Variants in NRXN3 observed in about 807,000 individuals in gnomAD.
The protein encoded by NRXN3 is neurexin 3.
In NRXN3, 32 loss-of-function variants were observed where a neutral mutation model predicts 137.6. The observed-to-expected ratio is 0.23, with a 90% CI of 0.18 to 0.31. The LOEUF (loss-of-function observed/expected upper bound fraction) is 0.31, where lower values mean the gene tolerates loss of function less well. Among genes scored for constraint, NRXN3 ranks in the 10% least tolerant of loss-of-function variants. NRXN3 has a pLI of 1.00. For synonymous variants in NRXN3, 798 were observed against 784.5 expected, an observed-to-expected ratio of 1.02 and a Z score of -0.29; for missense variants, 1,574 against 2,062.5, an observed-to-expected ratio of 0.76 and a Z score of 4.59.
At chr14:79,774,031 A>T (rs976147531) in intron 19 of NRXN3, among the ~76,000 whole-genome samples, 21 of 152,160 alleles carry the variant, frequency 1.4e-4, no homozygotes, top group Admixed American at 1.1e-3. Flanking sequence ...GGTAGATACA[A>T]AAGAACCCTA....
intron 4 of NRXN3, among the ~76,000 whole-genome samples, chr14:78,400,865 A>G (rs997157644): frequency 2.0e-5 from 3 of 152,164 alleles, no homozygotes; most frequent in Non-Finnish European, 4.4e-5. Flanking sequence ...CCCAATTTTT[A>G]TGATGAAAAC....
rs148036954 is a variant in NRXN3 at position 78,250,072 on chromosome 14, C to T, written c.709+6270C>T. On this transcript the variant is annotated intron_variant, in intron 2 of 20. Coordinates refer to ENST00000335750, the MANE Select transcript of NRXN3 (RefSeq NM_001330195.2). ...AACCCTCGCAACCACTCTTGACATG[C>T]GATTATGATTCTCATTTTTTTGGAT... The T allele has an allele frequency of 1.6e-3, 848 of 516,126 alleles. 4 individuals carry two copies. The highest frequency in any genetic ancestry group is 8.3e-3 in the Middle Eastern group (26 of 3,144). The allele number at this position is 516,126 out of a possible 1,614,324, so 32.0% of individuals were successfully genotyped here. A position where few individuals can be genotyped will look rare whatever the true frequency, so the allele number is the denominator to read the frequency against.
intron 10 of NRXN3, among the ~76,000 whole-genome samples, chr14:78,817,946 G>T (rs1370357645): frequency 6.6e-6 from 1 of 152,114 alleles, no homozygotes; most frequent in Non-Finnish European, 1.5e-5. Flanking sequence ...TAATAGAGCT[G>T]CTGAATTCTA....
At chr14:78,873,192 G>T (rs1381742803) in intron 10 of NRXN3, among the ~76,000 whole-genome samples, 7 of 152,016 alleles carry the variant, frequency 4.6e-5, no homozygotes, top group Non-Finnish European at 8.8e-5. Flanking sequence ...ACTTTTTTCT[G>T]TCCTACTGTC....
At chr14:79,542,023 A>G (rs2097277733) in intron 16 of NRXN3, among the ~76,000 whole-genome samples, 1 of 152,218 alleles carries the variant, frequency 6.6e-6, no homozygotes, top group Non-Finnish European at 1.5e-5. Context: ...AAAGTTGTAA[A>G]TGATAAAGAA....
chr14:79,012,596 G>A (rs2099573039), intron 15 of NRXN3, among the ~76,000 whole-genome samples: 1 of 152,144 alleles, frequency 6.6e-6, no homozygotes, highest in Admixed American at 6.6e-5. Context: ...GAAGAAGGCT[G>A]TCACTTGCTC....
chr14:78,773,720 C>G (rs974756513), intron 8 of NRXN3, among the ~76,000 whole-genome samples: 6 of 152,126 alleles, frequency 3.9e-5, no homozygotes, highest in Admixed American at 3.3e-4. Flanking sequence ...GCCTGAGAAA[C>G]TAAAACACAA....
intron 16 of NRXN3, among the ~76,000 whole-genome samples, chr14:79,625,856 C>G (rs1201617276): frequency 6.6e-6 from 1 of 152,170 alleles, no homozygotes; most frequent in Non-Finnish European, 1.5e-5. Context: ...ACCTTTCCAG[C>G]TCTGTAGACT....
intron 10 of NRXN3, among the ~76,000 whole-genome samples, chr14:78,930,125 A>G (rs2099317517): frequency 6.6e-6 from 1 of 152,192 alleles, no homozygotes; most frequent in Non-Finnish European, 1.5e-5. Flanking sequence ...CTTTGAGCTT[A>G]ACGCTCTTCA....
intron 4 of NRXN3, among the ~76,000 whole-genome samples, chr14:78,547,334 C>G (rs201424550): frequency 6.6e-6 from 1 of 151,892 alleles, no homozygotes; most frequent in African/African-American, 2.4e-5. Flanking sequence ...GCCTCCCAAG[C>G]AGCTGGGATT....
chr14:79,547,741 G>A (rs576934339), intron 16 of NRXN3, among the ~76,000 whole-genome samples: 1 of 152,260 alleles, frequency 6.6e-6, no homozygotes, highest in East Asian at 1.9e-4. Context: ...TGATTCATTG[G>A]GAGGCTTATA....
chr14:78,284,446 G>A (rs376607315), intron 3 of NRXN3, among the ~76,000 whole-genome samples: 42 of 152,210 alleles, frequency 2.8e-4, no homozygotes, highest in African/African-American at 9.2e-4. Flanking sequence ...CCTTGGGTAC[G>A]TGTCCTGCTG....
chr14:79,783,041 C>A (rs761902022), intron 19 of NRXN3, among the ~76,000 whole-genome samples: 1 of 152,160 alleles, frequency 6.6e-6, no homozygotes, highest in Non-Finnish European at 1.5e-5. Flanking sequence ...CTCTGTTGAA[C>A]ACTGAAACAA....
rs1189324663 is a variant in NRXN3, at chr14:78,968,184, A to G, written c.2980A>G (p.Met994Val). The change falls in exon 14 of 21, where the codon ATG (methionine) becomes GTG (valine). Residue 994 changes from methionine to valine, a missense_variant. Physicochemically the swap from Met to Val is conservative, Grantham distance 21 (BLOSUM62 1). Coordinates refer to ENST00000335750, the MANE Select transcript of NRXN3 (RefSeq NM_001330195.2). ...ACTTTCCTTTCCAGGTGATCTCTATATGGCTGGTCTGGCCCAAGGCATGTA... is the reference window on the plus strand; with the variant it reads ...ACTTTCCTTTCCAGGTGATCTCTATGTGGCTGGTCTGGCCCAAGGCATGTA... ...KNLDLKGDLYMAGLAQGMYSN... is the reference protein window; with the variant it reads ...KNLDLKGDLYVAGLAQGMYSN... 3 of 1,610,726 alleles carry G rather than the reference A, an allele frequency of 1.9e-6. No homozygotes were observed. Among genetic ancestry groups the G allele is most frequent in the Admixed American group, 1.7e-5 (1 of 59,744 alleles).
chr14:78,234,317 G>A (rs1198224345), intron 1 of NRXN3, among the ~76,000 whole-genome samples: 1 of 152,220 alleles, frequency 6.6e-6, no homozygotes, highest in Non-Finnish European at 1.5e-5. Flanking sequence ...GACAACAGTG[G>A]ACAGCAACAG....
intron 10 of NRXN3, among the ~76,000 whole-genome samples, chr14:78,858,256 A>G (rs11848889): frequency 0.024 from 3,640 of 152,138 alleles, 145 homozygotes; most frequent in African/African-American, 0.082. Context: ...TGCAGCCCTG[A>G]CACCTGTCTG....
At chr14:78,376,626 A>G (rs570467697) in intron 4 of NRXN3, among the ~76,000 whole-genome samples, 177 of 152,342 alleles carry the variant, frequency 1.2e-3, no homozygotes, top group African/African-American at 3.8e-3. Flanking sequence ...CCTGTATTCC[A>G]TATCTGGAGC....
chr14:78,984,528 A>T (rs999548801), intron 14 of NRXN3, among the ~76,000 whole-genome samples: 2 of 152,212 alleles, frequency 1.3e-5, no homozygotes, highest in Non-Finnish European at 2.9e-5. Flanking sequence ...CAGTCATTTG[A>T]ATCTGGAGAA....
chr14:78,727,231 G>A (rs2098489581), intron 8 of NRXN3, among the ~76,000 whole-genome samples: 1 of 152,200 alleles, frequency 6.6e-6, no homozygotes, highest in African/African-American at 2.4e-5. Context: ...AGAGGGTTCT[G>A]TGTTCTGAAA....
Sources: gnomAD v4.1 joint callset for allele counts (sites outside exome capture counted in the v4.1 genomes callset) on GRCh38, gnomAD v4.1.1 for gene constraint, MANE v1.5 for transcripts, NCBI Gene and HGNC (gene_info 2026-07-23, HGNC 2026-07-21) for gene names.